The following PPFIA2 variants were observed in gnomAD, a reference collection of about 807,000 sequenced individuals.
PPFIA2 encodes liprin-alpha-2.
Under a neutral mutation model 175.5 loss-of-function variants are expected in PPFIA2, and 46 were observed. The ratio of observed to expected loss-of-function variants is 0.26; its 90% confidence interval spans 0.21 to 0.34. PPFIA2 has a LOEUF of 0.34. Among genes scored for constraint, PPFIA2 ranks in the 10% least tolerant of loss-of-function variants. The pLI is 1.00. For synonymous variants in PPFIA2, 568 were observed against 511.4 expected, an observed-to-expected ratio of 1.11 and a Z score of -1.49; for missense variants, 1,179 against 1,506.1, an observed-to-expected ratio of 0.78 and a Z score of 3.60.
intron 4 of PPFIA2, among the ~76,000 whole-genome samples, chr12:81,486,567 TGATA>T (rs1249856989): frequency 6.6e-6 from 1 of 151,890 alleles, no homozygotes; most frequent in Non-Finnish European, 1.5e-5. Context: ...AGATTTTTAG[TGATA>T]GATCTATTCA....
At chr12:81,449,768 C>T (rs2052093832) in intron 5 of PPFIA2, among the ~76,000 whole-genome samples, 1 of 151,306 alleles carries the variant, frequency 6.6e-6, no homozygotes, top group Non-Finnish European at 1.5e-5. Context: ...AGGTATATCT[C>T]CTAATGCTAT....
Position 81,757,649 on chromosome 12 carries a change from ATTTCAAAATAAAAG to A in PPFIA2, c.-3+737_-3+750del, listed in dbSNP as rs58647672. On this transcript the variant is annotated intron_variant, in intron 2 of 32. Transcript: ENST00000549396. ...CTTGACTGTCTTTTAAATTTCTCAG[ATTTCAAAATAAAAG>A]TTTGAATGCCCACTGGAGTCCTCAC... 2.9e-3 allele frequency among the ~76,000 whole-genome samples: 446 copies of A among 152,322 alleles called. 13 individuals carry two copies. In the East Asian group the frequency reaches 0.082, roughly 28 times the overall value.
intron 19 of PPFIA2, 85 bp downstream of exon 19, chr12:81,344,579 T>C (rs2058711901): frequency 6.1e-6 from 6 of 988,842 alleles, no homozygotes; most frequent in Non-Finnish European, 7.4e-6. Context: ...TTTATCAACA[T>C]TCGACTAGAG....
chr12:81,513,923 A>G lies in PPFIA2; in HGVS notation c.304-56057T>C, dbSNP rs781718336. 3.3e-5 allele frequency among the ~76,000 whole-genome samples: 5 copies of G among 152,184 alleles called. 1 individual carries two copies. In the South Asian group the frequency reaches 1.0e-3, roughly 31 times the overall value. On this transcript the variant is annotated intron_variant, in intron 4 of 32. Coordinates refer to ENST00000549396, the MANE Select transcript of PPFIA2 (RefSeq NM_003625.5). ...CTGATTTATAAATGATTTTCCTCTC[A>G]GTGCCAGAATTAAACTGCATTGCTC... is the stretch of plus-strand genomic sequence containing the variant.
chr12:81,574,099 A>G (rs1201070081), intron 4 of PPFIA2, among the ~76,000 whole-genome samples: 1 of 151,836 alleles, frequency 6.6e-6, no homozygotes, highest in Non-Finnish European at 1.5e-5. Flanking sequence ...AACAATACAA[A>G]AATAGTTATC....
At chr12:81,363,431 AT>A (rs1475024624) in intron 14 of PPFIA2, among the ~76,000 whole-genome samples, 1 of 151,518 alleles carries the variant, frequency 6.6e-6, no homozygotes, top group Non-Finnish European at 1.5e-5. Flanking sequence ...TCAAATTGGC[AT>A]TTTCTGGTCT....
At chr12:81,340,932 TTCACAAGTGATAC>T in intron 20 of PPFIA2, 133 bp downstream of exon 20, 1 of 893,896 alleles carries the variant, frequency 1.1e-6, no homozygotes, top group Non-Finnish European at 1.6e-6. Context: ...ATTTGGTTAT[TTCACAAGTGATAC>T]TGGGAAAGGG....
At chr12:81,294,431 AAGGT>A (rs1195830873) in intron 24 of PPFIA2, among the ~76,000 whole-genome samples, 14 of 125,170 alleles carry the variant, frequency 1.1e-4, no homozygotes, top group African/African-American at 3.6e-4. Flanking sequence ...GGAAGGAAGG[AAGGT>A]AGGTAGGAAG....
intron 4 of PPFIA2, among the ~76,000 whole-genome samples, chr12:81,476,755 C>A (rs1254767844): frequency 6.6e-6 from 1 of 152,148 alleles, no homozygotes; most frequent in African/African-American, 2.4e-5. Context: ...AAGATACATG[C>A]ACACAAGTGT....
intron 4 of PPFIA2, among the ~76,000 whole-genome samples, chr12:81,509,460 G>T (rs2061537132): frequency 6.6e-6 from 1 of 152,112 alleles, no homozygotes; most frequent in South Asian, 2.1e-4. Flanking sequence ...TTATTTGCAG[G>T]CATTTATATA....
intron 8 of PPFIA2, among the ~76,000 whole-genome samples, chr12:81,386,276 TAAA>T (rs2038917039): frequency 7.1e-5 from 1 of 14,100 alleles, no homozygotes; most frequent in Non-Finnish European, 1.4e-4. Flanking sequence ...TTACAACCTT[TAAA>T]TAAATAAATA....
At chr12:81,417,737 T>C (rs2045561470) in intron 7 of PPFIA2, among the ~76,000 whole-genome samples, 2 of 151,786 alleles carry the variant, frequency 1.3e-5, no homozygotes, top group South Asian at 4.1e-4. Context: ...AATGTGCACA[T>C]ATCAAAATAA....
At chr12:81,363,599 C>T (rs2031885378) in intron 14 of PPFIA2, among the ~76,000 whole-genome samples, 1 of 151,728 alleles carries the variant, frequency 6.6e-6, no homozygotes, top group Admixed American at 6.6e-5. Context: ...TCCCAGTGGC[C>T]AGTGCTTGAT....
intron 5 of PPFIA2, among the ~76,000 whole-genome samples, chr12:81,455,994 A>G (rs2053513159): frequency 6.6e-6 from 1 of 152,202 alleles, no homozygotes; most frequent in East Asian, 1.9e-4. Context: ...CAGCTAATAA[A>G]AGAGTGTCTG....
chr12:81,335,819 C>A (rs374753074), intron 21 of PPFIA2, among the ~76,000 whole-genome samples: 1 of 152,024 alleles, frequency 6.6e-6, no homozygotes, highest in Non-Finnish European at 1.5e-5. Flanking sequence ...AGAAATGACT[C>A]TAAAACCAGA....
At chr12:81,600,123 C>T (rs998684056) in intron 4 of PPFIA2, among the ~76,000 whole-genome samples, 4 of 151,914 alleles carry the variant, frequency 2.6e-5, no homozygotes, top group South Asian at 2.1e-4. Flanking sequence ...TAAGAAATGG[C>T]GGAAATTAAG....
intron 4 of PPFIA2, among the ~76,000 whole-genome samples, chr12:81,567,300 C>T (rs1027748087): frequency 6.6e-6 from 1 of 152,190 alleles, no homozygotes; most frequent in Non-Finnish European, 1.5e-5. Flanking sequence ...CCACCTGCCT[C>T]GGCTTCCCAA....
rs998618622 is a variant in PPFIA2 at position 81,334,953 on chromosome 12, A to C, written c.2548+4227T>G. The stretch of plus-strand genomic sequence containing the variant: ...ATCATAAATATAATTGTGTGTTACC[A>C]TCCTCTGGAATTGCTTTGACAGTAC... On this transcript the variant is annotated intron_variant, in intron 21 of 32. Coordinates refer to ENST00000549396, the MANE Select transcript of PPFIA2 (RefSeq NM_003625.5). Among the ~76,000 whole-genome samples the C allele has an allele frequency of 5.3e-5, 8 of 152,274 alleles. No individual in the cohort carries two copies. In the East Asian group the frequency reaches 1.4e-3, roughly 26 times the overall value.
intron 4 of PPFIA2, among the ~76,000 whole-genome samples, chr12:81,585,043 TAA>T (rs574861282): frequency 2.0e-5 from 2 of 98,422 alleles, no homozygotes; most frequent in South Asian, 6.2e-4. Flanking sequence ...TATTTATATA[TAA>T]TATATTATAT....
Sources: allele counts gnomAD v4.1 joint callset (sites outside exome capture counted in the v4.1 genomes callset), GRCh38; gene constraint gnomAD v4.1.1; transcripts MANE v1.5; gene names NCBI Gene and HGNC (gene_info 2026-07-23, HGNC 2026-07-21).